The following ZSCAN22 variants were observed in gnomAD, a reference collection of about 807,000 sequenced individuals.
The protein encoded by ZSCAN22 is zinc finger and SCAN domain containing 22.
ZSCAN22 carries 7 observed loss-of-function variants against 12.4 expected under a neutral mutation model. That is an observed-to-expected ratio of 0.57 (90% CI 0.32 to 1.06). The LOEUF is 1.06. ZSCAN22 is among the 50% of genes least tolerant of loss of function. ZSCAN22 has a pLI of 0.04. For synonymous variants in ZSCAN22, 243 were observed against 255.9 expected (o/e 0.95, Z 0.48); for missense variants, 576 against 631.7 (o/e 0.91, Z 0.94).
At chr19:58,327,440 C>G (rs925060333) in intron 1 of ZSCAN22, among the ~76,000 whole-genome samples, 1 of 152,144 alleles carries the variant, frequency 6.6e-6, no homozygotes, top group Non-Finnish European at 1.5e-5. Context: ...GTCGGACTGA[C>G]GGAGTGTGTG....
chr19:58,333,834 C>G (rs1189489973), intron 1 of ZSCAN22, among the ~76,000 whole-genome samples: 1 of 152,114 alleles, frequency 6.6e-6, no homozygotes, highest in East Asian at 1.9e-4. Flanking sequence ...CAGAGGGAGA[C>G]TCCGTCTCAA....
chr19:58,331,550 T>TATTATTATC (rs1555777663), intron 1 of ZSCAN22, among the ~76,000 whole-genome samples: 9 of 135,408 alleles, frequency 6.6e-5, no homozygotes, highest in African/African-American at 2.4e-4. Flanking sequence ...TTATTATTAT[T>TATTATTATC]ATTATTATTA....
At chr19:58,334,544 G>C (rs1446208472) in intron 1 of ZSCAN22, 4 of 382,818 alleles carry the variant, frequency 1.0e-5, no homozygotes, top group Non-Finnish European at 1.9e-5. Context: ...GGTGTTTGTT[G>C]TAAGTTTTAA....
rs752043245 is a variant in ZSCAN22, at chr19:58,339,058, C to T, written c.1208C>T (p.Thr403Ile). 34 of 1,614,090 alleles carry T rather than the reference C, an allele frequency of 2.1e-5. No individual in the cohort carries two copies. In the South Asian group the frequency reaches 3.4e-4, roughly 16 times the overall value. Residue 403 changes from threonine (T) to isoleucine (I), a missense_variant, in exon 3 of 3, where the codon ACC becomes ATC. Physicochemically the swap from Thr to Ile is moderately conservative, Grantham distance 89 (BLOSUM62 -1). Transcript: ENST00000329665. This position sits in a 1 kb window ranked among gnomAD's most constrained non-coding sequence, Gnocchi z 5.6. ...THLTQHQRIHTGEKPYKCDAC... is the reference protein window; with the variant it reads ...THLTQHQRIHIGEKPYKCDAC... ...CTGACTCAACACCAGCGCATCCACACCGGGGAGAAGCCCTACAAGTGTGAC... is the reference window on the plus strand; with the variant it reads ...CTGACTCAACACCAGCGCATCCACATCGGGGAGAAGCCCTACAAGTGTGAC...
rs747637535 is a variant in ZSCAN22 at position 58,338,990 on chromosome 19, C to G, written c.1140C>G (p.Tyr380Ter). 10 of 1,612,700 alleles carry G rather than the reference C, an allele frequency of 6.2e-6. No homozygotes were observed. Among genetic ancestry groups the G allele is most frequent in the Non-Finnish European group, 8.5e-6 (10 of 1,179,142 alleles). Residue 380 changes from tyrosine (Y) to a stop codon, truncating the protein, a stop_gained, in exon 3 of 3, where the codon TAC (tyrosine) becomes TAG (stop). Transcript: ENST00000329665. LOFTEE classifies it low-confidence loss of function (END_TRUNC). The surrounding 1 kb of genome is among the most constrained non-coding windows in gnomAD (Gnocchi z 5.4). ...HQRVHTGERP[Y>*]ECDACGKAFS... ...GGGTGCACACGGGGGAGCGGCCCTA[C>G]GAGTGTGACGCGTGTGGGAAAGCCT...
At chr19:58,334,069 T>C (rs896619620) in intron 1 of ZSCAN22, among the ~76,000 whole-genome samples, 2 of 152,132 alleles carry the variant, frequency 1.3e-5, no homozygotes, top group African/African-American at 4.8e-5. Context: ...ACAAAATAAT[T>C]AGCAAGTAAA....
At chr19:58,337,121 A>G (rs1349246502) in intron 2 of ZSCAN22, among the ~76,000 whole-genome samples, 1 of 152,194 alleles carries the variant, frequency 6.6e-6, no homozygotes, top group Non-Finnish European at 1.5e-5. Context: ...ATAGTACTTT[A>G]CAATGTAGGG....
At chr19:58,334,417 C>T (rs1460109133) in intron 1 of ZSCAN22, among the ~76,000 whole-genome samples, 2 of 152,104 alleles carry the variant, frequency 1.3e-5, no homozygotes, top group African/African-American at 2.4e-5. Flanking sequence ...CCCGGGTTCA[C>T]GCCATTCTCC....
At chr19:58,333,768 C>T (rs189317979) in intron 1 of ZSCAN22, among the ~76,000 whole-genome samples, 4 of 152,338 alleles carry the variant, frequency 2.6e-5, no homozygotes, top group East Asian at 1.9e-4. Context: ...TGCTTGAACC[C>T]GGGAGGCGGA....
chr19:58,336,011 G>A (rs1046233357), intron 2 of ZSCAN22, among the ~76,000 whole-genome samples: 9 of 152,326 alleles, frequency 5.9e-5, no homozygotes, highest in African/African-American at 2.2e-4. Context: ...CAACAGATAG[G>A]AGGTGGGCAT....
At chr19:58,334,460 G>C (rs2051765802) in intron 1 of ZSCAN22, among the ~76,000 whole-genome samples, 2 of 152,178 alleles carry the variant, frequency 1.3e-5, no homozygotes, top group Non-Finnish European at 2.9e-5. Flanking sequence ...GGGACCACAG[G>C]TGCCCGCCAC....
rs749463246 is a variant in ZSCAN22 at position 58,335,232 on chromosome 19, C to T, written c.403+27C>T. 4 of 1,527,826 alleles carry T rather than the reference C, an allele frequency of 2.6e-6. No individual in the cohort carries two copies. The highest frequency in any genetic ancestry group is 2.7e-5 in the African/African-American group (2 of 72,940). 94.6% of individuals were successfully genotyped at this position (1,527,826 alleles called of 1,614,324 possible). On this transcript the variant is annotated intron_variant, in intron 2 of 2. Coordinates refer to ENST00000329665, the MANE Select transcript of ZSCAN22 (RefSeq NM_181846.3). This position sits in a 1 kb window ranked among gnomAD's most constrained non-coding sequence, Gnocchi z 4.1. ...TAAAGGGGCGCCGTGGGCAGCTTCA[C>T]GGCACACCAGAGATACACCCTGGAC...
At chr19:58,330,810 T>A (rs1463606265) in intron 1 of ZSCAN22, among the ~76,000 whole-genome samples, 1 of 152,228 alleles carries the variant, frequency 6.6e-6, no homozygotes, top group Non-Finnish European at 1.5e-5. Context: ...ATATCCATCA[T>A]CATAATTATC....
chr19:58,336,186 G>A (rs967503305), intron 2 of ZSCAN22, among the ~76,000 whole-genome samples: 3 of 152,176 alleles, frequency 2.0e-5, no homozygotes, highest in Admixed American at 6.5e-5. Flanking sequence ...TAATAAAAAC[G>A]CCCACCTTAG....
chr19:58,336,356 C>T (rs971858191), intron 2 of ZSCAN22, among the ~76,000 whole-genome samples: 30 of 152,078 alleles, frequency 2.0e-4, no homozygotes, highest in African/African-American at 6.8e-4. Context: ...GCAGATGTCA[C>T]AGAGACAGGG....
At position 58,329,540 on chromosome 19, in the gene ZSCAN22, GAA is replaced by G. The variant is rs2051698059; in HGVS notation, c.-52+2429_-52+2430del. ...TAGGGTATTCTTCCTGACTATAAGA[GAA>G]AACAAATTCACTGTGGGAAGTAGAG... On this transcript the variant is annotated intron_variant, in intron 1 of 2. Transcript: ENST00000329665. The surrounding 1 kb of genome is among the most constrained non-coding windows in gnomAD (Gnocchi z 4.1). 6.6e-6 allele frequency among the ~76,000 whole-genome samples: 1 copy of G among 152,148 alleles called. No homozygotes were observed. The highest frequency in any genetic ancestry group is 6.5e-5 in the Admixed American group (1 of 15,272).
In ZSCAN22 at chr19:58,335,293, G is replaced by A. The variant is rs75740469; in HGVS notation, c.403+88G>A. The stretch of plus-strand genomic sequence containing the variant: ...GAGCACAGGGCTCTGGTTTGGGGTT[G>A]CTCATGCACCCATTCTCACATTTGT... On this transcript the variant is annotated intron_variant, in intron 2 of 2. Coordinates refer to ENST00000329665, the MANE Select transcript of ZSCAN22 (RefSeq NM_181846.3). This position sits in a 1 kb window ranked among gnomAD's most constrained non-coding sequence, Gnocchi z 4.1. 8.5e-4 allele frequency: 1,200 copies of A among 1,408,192 alleles called. 10 individuals carry two copies. In the African/African-American group the frequency reaches 0.016, roughly 19 times the overall value. The allele number at this position is 1,408,192 out of a possible 1,614,324, so 87.2% of individuals were successfully genotyped here. A position where few individuals can be genotyped will look rare whatever the true frequency, so the allele number is the denominator to read the frequency against.
Position 58,331,163 on chromosome 19 carries a change from G to T in ZSCAN22, c.-51-3589G>T, listed in dbSNP as rs554592638. 2.0e-5 allele frequency among the ~76,000 whole-genome samples: 3 copies of T among 151,504 alleles called. No individual in the cohort carries two copies. The South Asian group carries it at 6.3e-4, about 32-fold the overall frequency. On this transcript the variant is annotated intron_variant, in intron 1 of 2. Coordinates refer to ENST00000329665, the MANE Select transcript of ZSCAN22 (RefSeq NM_181846.3). ...GACTTACTGATAAGGCGTCTTTTGT[G>T]TAGAGGCCTGACTTAAATAAGGGAG...
At position 58,339,273 on chromosome 19, in the gene ZSCAN22, C is replaced by G. The variant is rs758397370; in HGVS notation, c.1423C>G (p.Arg475Gly). Residue 475 changes from arginine to glycine, a missense_variant, in exon 3 of 3, where the codon CGT becomes GGT. Arg to Gly is a moderately radical substitution (Grantham distance 125). Coordinates refer to ENST00000329665, the MANE Select transcript of ZSCAN22 (RefSeq NM_181846.3). This position sits in a 1 kb window ranked among gnomAD's most constrained non-coding sequence, Gnocchi z 5.6. ...KCSDCGKAFS[R>G]SSALMVHLRI... The stretch of plus-strand genomic sequence containing the variant: ...CAGCGACTGTGGGAAGGCCTTCAGT[C>G]GTAGCTCAGCCCTGATGGTTCACTT... 2 of 1,613,990 alleles carry G rather than the reference C, an allele frequency of 1.2e-6. No individual in the cohort carries two copies. The highest frequency in any genetic ancestry group is 4.5e-5 in the East Asian group (2 of 44,880).
Sources: allele counts gnomAD v4.1 joint callset (sites outside exome capture counted in the v4.1 genomes callset), GRCh38; gene constraint gnomAD v4.1.1; non-coding constraint Gnocchi (gnomAD v3.1); transcripts MANE v1.5; gene names NCBI Gene and HGNC (gene_info 2026-07-23, HGNC 2026-07-21).